PTPN9: variants seen among roughly 807,000 people sequenced by gnomAD.
PTPN9 encodes the protein tyrosine-protein phosphatase non-receptor type 9.
A neutral mutation model predicts 69.8 loss-of-function variants in PTPN9; 26 were observed. The ratio of observed to expected loss-of-function variants is 0.37; its 90% CI spans 0.27 to 0.52. PTPN9 has a LOEUF of 0.52. PTPN9 is among the 20% of genes least tolerant of loss of function. The pLI, the probability that PTPN9 is intolerant of heterozygous loss-of-function variation, is 0.91. For missense variants in PTPN9, 549 were observed against 740.3 expected (o/e 0.74, Z 3.00); for synonymous variants, 274 against 272.5 (o/e 1.01, Z -0.05).
At chr15:75,548,593 T>C (rs996388461) in intron 1 of PTPN9, among the ~76,000 whole-genome samples, 7 of 151,054 alleles carry the variant, frequency 4.6e-5, no homozygotes, top group Non-Finnish European at 1.0e-4. Flanking sequence ...AGACAGATGG[T>C]GGTATTGCTT....
intron 1 of PTPN9, among the ~76,000 whole-genome samples, chr15:75,564,012 C>G (rs2075115737): frequency 6.6e-6 from 1 of 151,268 alleles, no homozygotes; most frequent in Non-Finnish European, 1.5e-5. Flanking sequence ...GGGCAACACT[C>G]AGAAACATTT....
rs189507312 is a variant in PTPN9, at chr15:75,516,194, G to A, written c.528+1065C>T. Among the ~76,000 whole-genome samples, 19 of 152,000 alleles carry A rather than the reference G, an allele frequency of 1.3e-4. No individual in the cohort carries two copies. The East Asian group carries it at 2.9e-3, about 23-fold the overall frequency. ...TTATCCAAAATGCTTGGGACTAGAA[G>A]TGTTTCAGATTTTGAATTTTTTTCA... On this transcript the variant is annotated intron_variant, in intron 5 of 12. Coordinates refer to ENST00000618819, the MANE Select transcript of PTPN9 (RefSeq NM_002833.4).
chr15:75,495,671 C>A (rs1371089284), intron 7 of PTPN9, among the ~76,000 whole-genome samples: 2 of 151,092 alleles, frequency 1.3e-5, no homozygotes. Flanking sequence ...GAGCCGAGAT[C>A]GCGCCACTAC....
intron 8 of PTPN9, chr15:75,487,444 C>T (rs1013173121): frequency 1.3e-5 from 2 of 152,162 alleles, no homozygotes; most frequent in Non-Finnish European, 2.9e-5. Context: ...ACAAATCAGA[C>T]AATGATCTTC....
chr15:75,550,703 C>T (rs1418420630), intron 1 of PTPN9, among the ~76,000 whole-genome samples: 2 of 152,016 alleles, frequency 1.3e-5, no homozygotes, highest in Non-Finnish European at 2.9e-5. Context: ...AGGAGAATCG[C>T]TTGAACCCGG....
intron 2 of PTPN9, among the ~76,000 whole-genome samples, chr15:75,524,994 A>G (rs1263663409): frequency 6.6e-6 from 1 of 151,974 alleles, no homozygotes; most frequent in Non-Finnish European, 1.5e-5. Flanking sequence ...ATTCAGGTGC[A>G]GGATCAAGGT....
At chr15:75,540,559 A>AAGAAAG (rs1555456494) in intron 1 of PTPN9, among the ~76,000 whole-genome samples, 5 of 106,698 alleles carry the variant, frequency 4.7e-5, no homozygotes, top group Admixed American at 4.4e-4. Flanking sequence ...AAAAAAAAAA[A>AAGAAAG]AAAGAAAGAA....
At chr15:75,534,834 G>A (rs1230495393) in intron 1 of PTPN9, among the ~76,000 whole-genome samples, 1 of 151,694 alleles carries the variant, frequency 6.6e-6, no homozygotes, top group East Asian at 2.0e-4. Context: ...TTAACCAGGT[G>A]TGCTGGCTTG....
rs2074527194 is a variant in PTPN9 at position 75,464,141 on chromosome 15, TG to T, written c.*4627del. On this transcript the variant is annotated 3_prime_UTR_variant, in exon 13 of 13. Coordinates refer to ENST00000618819, the MANE Select transcript of PTPN9 (RefSeq NM_002833.4). ...AGCAGCAGCTTGAAAGAAGAGACTC[TG>T]AAAACACACTAAAACTGGAGAGGCT... 1 of 152,364 alleles carries T rather than the reference TG, an allele frequency of 6.6e-6. No homozygotes were observed. Among genetic ancestry groups the T allele is most frequent in the African/African-American group, 2.4e-5 (1 of 41,556 alleles). The allele number at this position is 152,364 out of a possible 1,614,324, so 9.4% of individuals were successfully genotyped here.
chr15:75,526,149 A>C (rs1222302311), intron 2 of PTPN9, among the ~76,000 whole-genome samples: 1 of 151,560 alleles, frequency 6.6e-6, no homozygotes, highest in Non-Finnish European at 1.5e-5. Flanking sequence ...GTGCCACTAC[A>C]CCCAGCTAAT....
Position 75,527,203 on chromosome 15 carries a change from GGGGAAA to G in PTPN9, c.116_121del (p.Val39_Pro41delinsAla). 1 of 1,614,116 alleles carries G rather than the reference GGGGAAA, an allele frequency of 6.2e-7. No homozygotes were observed. On this transcript the variant is annotated inframe_deletion, in exon 2 of 13. Coordinates refer to ENST00000618819, the MANE Select transcript of PTPN9 (RefSeq NM_002833.4). ...CTTGACAGCCACATTCCAAGACAGCGGGGAAACATTGTACTGAACTGTCCACTTGTT... is the reference window on the plus strand; with the variant it reads ...CTTGACAGCCACATTCCAAGACAGCGCATTGTACTGAACTGTCCACTTGTT...
intron 3 of PTPN9, 29 bp downstream of exon 3, chr15:75,524,180 C>T: frequency 1.5e-6 from 2 of 1,354,488 alleles, no homozygotes; most frequent in South Asian, 1.4e-5. Context: ...AGTAATAAGG[C>T]CCTACAAGAT....
chr15:75,567,501 A>G (rs924110990), intron 1 of PTPN9, among the ~76,000 whole-genome samples: 2 of 152,218 alleles, frequency 1.3e-5, no homozygotes, highest in African/African-American at 4.8e-5. Flanking sequence ...CAAACACTTC[A>G]GTCCTAAAGT....
chr15:75,489,874 C>T (rs1296726186), intron 8 of PTPN9, among the ~76,000 whole-genome samples: 4 of 152,120 alleles, frequency 2.6e-5, no homozygotes, highest in Non-Finnish European at 5.9e-5. Context: ...TGCATATATA[C>T]TCACCAAAGG....
chr15:75,536,633 G>A lies in PTPN9; in HGVS notation c.64-9372C>T, dbSNP rs1051242518. 1.7e-4 allele frequency among the ~76,000 whole-genome samples: 26 copies of A among 152,184 alleles called. 1 individual carries two copies. Among genetic ancestry groups the A allele is most frequent in the Admixed American group, 1.2e-3 (19 of 15,278 alleles). On this transcript the variant is annotated intron_variant, in intron 1 of 12. Coordinates refer to ENST00000618819, the MANE Select transcript of PTPN9 (RefSeq NM_002833.4). ...AGCTAGTGTGTCCAATGTGTATGAG[G>A]GAGAATGGTGGGAGATGTGTGAACA...
chr15:75,546,993 A>G (rs992245514), intron 1 of PTPN9, among the ~76,000 whole-genome samples: 7 of 151,766 alleles, frequency 4.6e-5, no homozygotes, highest in Middle Eastern at 3.2e-3. Context: ...CACTCAGGCA[A>G]GTCAAAAACC....
At chr15:75,559,786 GAAGA>G (rs2075096156) in intron 1 of PTPN9, among the ~76,000 whole-genome samples, 3 of 106,208 alleles carry the variant, frequency 2.8e-5, no homozygotes, top group Admixed American at 1.8e-4. Context: ...AAAAAAAAAA[GAAGA>G]AAGAAAATAT....
In PTPN9 at chr15:75,532,335, G is replaced by A. The variant is rs28520127; in HGVS notation, c.64-5074C>T. Among the ~76,000 whole-genome samples, 143 of 152,090 alleles carry A rather than the reference G, an allele frequency of 9.4e-4. 1 individual carries two copies. The highest frequency in any genetic ancestry group is 3.3e-3 in the African/African-American group (136 of 41,494). The stretch of plus-strand genomic sequence containing the variant: ...TAGAATCGCTTGAACCCAGGAGGCA[G>A]AGGTTGCAGTGATCCAAGATCGTGC... On this transcript the variant is annotated intron_variant, in intron 1 of 12. Coordinates refer to ENST00000618819, the MANE Select transcript of PTPN9 (RefSeq NM_002833.4).
chr15:75,469,095 G>GCCTTCTGC, intron 12 of PTPN9, 112 bp from the exon 13 acceptor site: 1 of 1,019,118 alleles, frequency 9.8e-7, no homozygotes, highest in Non-Finnish European at 1.4e-6. Context: ...GTGCCTCATG[G>GCCTTCTGC]CAGAAGGCCA....
Sources: allele counts gnomAD v4.1 joint callset (sites outside exome capture counted in the v4.1 genomes callset), GRCh38; gene constraint gnomAD v4.1.1; transcripts MANE v1.5; gene names NCBI Gene and HGNC (gene_info 2026-07-23, HGNC 2026-07-21).